The following PFDN1 variants were observed in gnomAD, a reference collection of about 807,000 sequenced individuals.
PFDN1 encodes prefoldin 1.
PFDN1 carries 6 observed loss-of-function variants against 17.3 expected under a neutral mutation model. The observed-to-expected ratio is 0.35, with a 90% CI of 0.19 to 0.69. The LOEUF (loss-of-function observed/expected upper bound fraction) is 0.69, where lower values mean the gene tolerates loss of function less well. PFDN1 is among the 30% of genes least tolerant of loss of function. The pLI is 0.65. For missense variants in PFDN1, 113 were observed against 146.2 expected (o/e 0.77, Z 1.17); for synonymous variants, 58 against 50.1 (o/e 1.16, Z -0.67).
intron 3 of PFDN1, among the ~76,000 whole-genome samples, chr5:140,261,194 T>TA (rs796675270): frequency 2.7e-5 from 4 of 150,528 alleles, no homozygotes; most frequent in Non-Finnish European, 4.4e-5. Context: ...AAGGATATTT[T>TA]AAAAAAAGAC....
chr5:140,286,036 TA>T (rs968783495), intron 2 of PFDN1, among the ~76,000 whole-genome samples: 3 of 151,322 alleles, frequency 2.0e-5, no homozygotes, highest in Admixed American at 6.6e-5. Context: ...AACCGAAATT[TA>T]AAAAAAAATA....
At chr5:140,279,505 T>G (rs896212722) in intron 3 of PFDN1, among the ~76,000 whole-genome samples, 6 of 145,810 alleles carry the variant, frequency 4.1e-5, no homozygotes, top group Non-Finnish European at 7.6e-5. Context: ...GGTTTTTGTG[T>G]TTTTTTTTTT....
intron 3 of PFDN1, among the ~76,000 whole-genome samples, chr5:140,259,115 T>C (rs969853341): frequency 2.6e-5 from 4 of 152,076 alleles, no homozygotes; most frequent in South Asian, 2.1e-4. Context: ...CTAAAAATCA[T>C]TGGATATGTT....
rs1764994406 is a variant in PFDN1, at chr5:140,256,832, C to G, written c.286-10775G>C. Among the ~76,000 whole-genome samples, 20 of 152,098 alleles carry G rather than the reference C, an allele frequency of 1.3e-4. No homozygotes were observed. The South Asian group carries it at 4.2e-3, about 32-fold the overall frequency. Reference sequence around the variant, plus strand: ...CTCTACTCTTCTTTCTATCTAGCACCACTGCCCTCGTCCTAGTCCAAGCCT... The same window carrying G: ...CTCTACTCTTCTTTCTATCTAGCACGACTGCCCTCGTCCTAGTCCAAGCCT... On this transcript the variant is annotated intron_variant, in intron 3 of 3. Coordinates refer to ENST00000261813, the MANE Select transcript of PFDN1 (RefSeq NM_002622.5).
At chr5:140,252,308 C>T (rs1764926746) in intron 3 of PFDN1, among the ~76,000 whole-genome samples, 1 of 152,200 alleles carries the variant, frequency 6.6e-6, no homozygotes, top group Non-Finnish European at 1.5e-5. Flanking sequence ...TCCTGCCCTC[C>T]AATCCAGGCA....
chr5:140,301,361 C>T (rs976120327), intron 1 of PFDN1, among the ~76,000 whole-genome samples: 6 of 152,192 alleles, frequency 3.9e-5, no homozygotes, highest in African/African-American at 1.4e-4. Context: ...TTGACCCTTG[C>T]GTACACTTAC....
intron 3 of PFDN1, among the ~76,000 whole-genome samples, chr5:140,269,830 CTG>C (rs1413054143): frequency 2.6e-5 from 4 of 152,190 alleles, no homozygotes; most frequent in African/African-American, 9.7e-5. Context: ...TGTGAGGAAA[CTG>C]AGGCTTAGCG....
At position 140,300,528 on chromosome 5, in the gene PFDN1, C is replaced by A; in HGVS notation, c.88G>T (p.Ala30Ser). Residue 30 changes from alanine to serine, a missense_variant, in exon 2 of 4, where the codon GCA becomes TCA. Physicochemically the swap from Ala to Ser is moderately conservative, Grantham distance 99 (BLOSUM62 1). Coordinates refer to ENST00000261813, the MANE Select transcript of PFDN1 (RefSeq NM_002622.5). ...VIDTQQKVKL[A>S]DIQIEQLNRT... The stretch of plus-strand genomic sequence containing the variant: ...TTTAGCTGTTCAATCTGTATGTCTG[C>A]GAGCTTCACCTTCTGTTGAGTGTCA... 1 of 1,612,836 alleles carries A rather than the reference C, an allele frequency of 6.2e-7. No individual in the cohort carries two copies. Among genetic ancestry groups the A allele is most frequent in the Non-Finnish European group, 8.5e-7 (1 of 1,179,156 alleles).
intron 3 of PFDN1, among the ~76,000 whole-genome samples, chr5:140,252,381 A>C (rs1241239579): frequency 2.0e-5 from 3 of 152,158 alleles, no homozygotes; most frequent in East Asian, 1.9e-4. Flanking sequence ...GTGAGAGCTA[A>C]GTCCTCAGAG....
At chr5:140,277,285 GA>G (rs1017103988) in intron 3 of PFDN1, among the ~76,000 whole-genome samples, 1 of 151,730 alleles carries the variant, frequency 6.6e-6, no homozygotes, top group Non-Finnish European at 1.5e-5. Flanking sequence ...TTACATGAGA[GA>G]GTAATATGAT....
chr5:140,267,954 A>AGTTGT (rs1258292381), intron 3 of PFDN1, among the ~76,000 whole-genome samples: 2 of 152,250 alleles, frequency 1.3e-5, no homozygotes, highest in African/African-American at 4.8e-5. Flanking sequence ...ACAAAAGCAG[A>AGTTGT]GTCAAACGAA....
At chr5:140,290,277 T>C (rs779537111) in intron 2 of PFDN1, among the ~76,000 whole-genome samples, 8 of 152,138 alleles carry the variant, frequency 5.3e-5, no homozygotes. Context: ...TCATGAAATA[T>C]AAGTGGGAGA....
At chr5:140,265,323 G>A (rs1164733731) in intron 3 of PFDN1, among the ~76,000 whole-genome samples, 1 of 152,078 alleles carries the variant, frequency 6.6e-6, no homozygotes, top group Non-Finnish European at 1.5e-5. Context: ...CAAAATGGAC[G>A]CCGTCCACAC....
intron 3 of PFDN1, among the ~76,000 whole-genome samples, chr5:140,257,892 G>A (rs1449042159): frequency 6.6e-6 from 1 of 152,178 alleles, no homozygotes; most frequent in Non-Finnish European, 1.5e-5. Flanking sequence ...AACATCTGAT[G>A]GAATCAAGGA....
At chr5:140,299,806 G>C (rs1385226580) in intron 2 of PFDN1, among the ~76,000 whole-genome samples, 1 of 151,764 alleles carries the variant, frequency 6.6e-6, no homozygotes, top group Non-Finnish European at 1.5e-5. Context: ...GAGGTCAGGA[G>C]TTCCAGACCA....
intron 2 of PFDN1, among the ~76,000 whole-genome samples, chr5:140,291,229 G>A (rs1765576084): frequency 6.6e-6 from 1 of 152,196 alleles, no homozygotes; most frequent in Non-Finnish European, 1.5e-5. Context: ...CAGAAGCAAG[G>A]AGCCTAGTTA....
chr5:140,276,456 T>C (rs1180270683), intron 3 of PFDN1, among the ~76,000 whole-genome samples: 1 of 152,118 alleles, frequency 6.6e-6, no homozygotes. Flanking sequence ...TTCGAAGATC[T>C]AGCAGAATGA....
chr5:140,291,334 A>G (rs1466089825), intron 2 of PFDN1, among the ~76,000 whole-genome samples: 1 of 152,208 alleles, frequency 6.6e-6, no homozygotes, highest in Non-Finnish European at 1.5e-5. Context: ...TAGAGTCAAC[A>G]GTATTTGCTA....
chr5:140,273,348 C>T (rs902187154), intron 3 of PFDN1, among the ~76,000 whole-genome samples: 4 of 152,000 alleles, frequency 2.6e-5, no homozygotes, highest in Non-Finnish European at 4.4e-5. Context: ...ATTATATACA[C>T]CAATAGTACC....
Sources: allele counts gnomAD v4.1 joint callset (sites outside exome capture counted in the v4.1 genomes callset), GRCh38; gene constraint gnomAD v4.1.1; transcripts MANE v1.5; gene names NCBI Gene and HGNC (gene_info 2026-07-23, HGNC 2026-07-21).